Variants in MON2 observed in about 807,000 individuals in gnomAD.
MON2 encodes protein MON2 homolog.
MON2 carries 84 observed loss-of-function variants against 208.6 expected under a neutral mutation model. That is an observed-to-expected ratio of 0.40 (90% CI 0.34 to 0.48). The LOEUF is 0.48. Among genes scored for constraint, MON2 ranks in the 20% least tolerant of loss-of-function variants. The probability of loss-of-function intolerance (pLI) is 0.59; values close to 1 mark genes in which losing one functional copy is unlikely to be tolerated. For synonymous variants in MON2, 660 were observed against 694.0 expected (o/e 0.95, Z 0.77); for missense variants, 1,611 against 2,015.4 (o/e 0.80, Z 3.84).
chr12:62,570,764 C>T (rs1218741770), intron 29 of MON2, among the ~76,000 whole-genome samples: 1 of 109,510 alleles, frequency 9.1e-6, no homozygotes, highest in Non-Finnish European at 1.7e-5. Context: ...GACAGAGTCT[C>T]ACTCTGTTGC....
At chr12:62,516,901 A>G (rs1159607441) in intron 8 of MON2, among the ~76,000 whole-genome samples, 12 of 152,330 alleles carry the variant, frequency 7.9e-5, no homozygotes, top group Middle Eastern at 3.4e-3. Flanking sequence ...AATATTTTTA[A>G]GTAAACAAAA....
rs377367613 is a variant in MON2, at chr12:62,513,636, T to C, written c.984+5156T>C. 2.6e-5 allele frequency among the ~76,000 whole-genome samples: 4 copies of C among 152,120 alleles called. No homozygotes were observed. In the East Asian group the frequency reaches 7.7e-4, roughly 29 times the overall value. On this transcript the variant is annotated intron_variant, in intron 8 of 34. Transcript: ENST00000393630. ...AAGAGCACCCAAGTCACCTCTTGAATGCTTTGCTGCTTAGAAATGACTTCT... is the reference window on the plus strand; with the variant it reads ...AAGAGCACCCAAGTCACCTCTTGAACGCTTTGCTGCTTAGAAATGACTTCT...
intron 1 of MON2, among the ~76,000 whole-genome samples, chr12:62,481,252 CG>C (rs1467541672): frequency 2.6e-5 from 4 of 152,046 alleles, no homozygotes; most frequent in Non-Finnish European, 5.9e-5. Context: ...CTCGGCCAGG[CG>C]TGGTGGCTCA....
At chr12:62,513,143 C>G (rs1389791348) in intron 8 of MON2, among the ~76,000 whole-genome samples, 2 of 152,208 alleles carry the variant, frequency 1.3e-5, no homozygotes, top group East Asian at 1.9e-4. Context: ...TCCCCATTGT[C>G]TTGGTGATTA....
chr12:62,529,674 A>AC (rs1050494442), intron 11 of MON2, among the ~76,000 whole-genome samples: 3 of 152,216 alleles, frequency 2.0e-5, no homozygotes, highest in East Asian at 1.9e-4. Flanking sequence ...AGTTTTCATC[A>AC]CCCCTAAAAG....
intron 8 of MON2, among the ~76,000 whole-genome samples, chr12:62,520,429 C>A (rs11174526): frequency 0.018 from 1,523 of 82,988 alleles, 17 homozygotes; most frequent in East Asian, 0.094. Context: ...AAGTGACAGG[C>A]GTACTTTATT....
chr12:62,585,635 C>A, intron 33 of MON2, 134 bp downstream of exon 33: 1 of 679,030 alleles, frequency 1.5e-6, no homozygotes, highest in Non-Finnish European at 2.4e-6. Context: ...TTATTTATCC[C>A]ATATGGTGTA....
At position 62,552,752 on chromosome 12, in the gene MON2, T is replaced by G. The variant is rs181826148; in HGVS notation, c.2917-129T>G. The G allele has an allele frequency of 8.5e-4, 565 of 663,138 alleles. 3 individuals are homozygous for G. The African/African-American group carries it at 9.0e-3, about 11-fold the overall frequency. 41.1% of individuals were successfully genotyped at this position (663,138 alleles called of 1,614,324 possible). On this transcript the variant is annotated intron_variant, in intron 23 of 34. Transcript: ENST00000393630. The stretch of plus-strand genomic sequence containing the variant: ...GATGTTTTCATTGAATCTATTCTAC[T>G]AGGAAAGAGATTTTTGAAGTAATGT...
chr12:62,494,517 C>T (rs1287365199), intron 3 of MON2, among the ~76,000 whole-genome samples: 3 of 152,068 alleles, frequency 2.0e-5, no homozygotes, highest in Non-Finnish European at 4.4e-5. Context: ...ATTTTGTACT[C>T]CATAAGTACT....
rs1565693517 is a variant in MON2, at chr12:62,566,442, A to G, written c.4315A>G (p.Ile1439Val). 6.2e-7 allele frequency: 1 copy of G among 1,610,934 alleles called. No homozygotes were observed. The highest frequency in any genetic ancestry group is 2.2e-5 in the East Asian group (1 of 44,768). The stretch of plus-strand genomic sequence containing the variant: ...GGTGAATGAGAAAGTGCTCCAGAAT[A>G]TTATTAAGGTATCTTTTTTTCATTT... Reference protein sequence around the residue: ...AVVNEKVLQNIIKTLRVPLSL... With the variant: ...AVVNEKVLQNVIKTLRVPLSL... Residue 1439 changes from isoleucine to valine, a missense_variant, in exon 29 of 35, where the codon ATT (isoleucine) becomes GTT (valine). Ile to Val is a conservative substitution (Grantham distance 29, BLOSUM62 3). Coordinates refer to ENST00000393630, the MANE Select transcript of MON2 (RefSeq NM_015026.3).
intron 1 of MON2, among the ~76,000 whole-genome samples, chr12:62,474,960 TA>T (rs1443115959): frequency 6.6e-6 from 1 of 152,204 alleles, no homozygotes; most frequent in Non-Finnish European, 1.5e-5. Flanking sequence ...ATTCTATTAG[TA>T]ACATTATGCC....
chr12:62,523,183 G>A (rs1378603358), intron 8 of MON2, among the ~76,000 whole-genome samples: 1 of 152,060 alleles, frequency 6.6e-6, no homozygotes, highest in Non-Finnish European at 1.5e-5. Context: ...CACTAGCATG[G>A]GTCTTTCTTT....
At chr12:62,533,059 T>A (rs2072732445) in intron 12 of MON2, among the ~76,000 whole-genome samples, 2 of 152,234 alleles carry the variant, frequency 1.3e-5, no homozygotes, top group South Asian at 4.1e-4. Context: ...AGTTGCCATG[T>A]CTCAACTTGG....
At chr12:62,523,500 C>T (rs1210346220) in intron 8 of MON2, among the ~76,000 whole-genome samples, 1 of 152,118 alleles carries the variant, frequency 6.6e-6, no homozygotes, top group Non-Finnish European at 1.5e-5. Context: ...CATTAGCAGT[C>T]TAAATGATAA....
intron 2 of MON2, among the ~76,000 whole-genome samples, chr12:62,491,625 G>C (rs1034518898): frequency 6.6e-6 from 1 of 152,130 alleles, no homozygotes; most frequent in African/African-American, 2.4e-5. Flanking sequence ...ATTGTAGGAA[G>C]AATAGTGAAC....
In MON2 at chr12:62,467,303, C is replaced by T. The variant is rs199872329; in HGVS notation, c.96C>T (p.Phe32=). The T allele has an allele frequency of 1.2e-4, 198 of 1,613,886 alleles. 1 individual carries two copies. The East Asian group carries it at 4.4e-3, about 36-fold the overall frequency. ...RALSLECKKK[F]PPVKEAAESG... ...TGTCACTGGAGTGCAAGAAGAAATT[C>T]CCACCTGTCAAAGAGGTAAGCTTCA... is the stretch of plus-strand genomic sequence containing the variant. The change falls in exon 1 of 35, where the codon TTC becomes TTT. Residue 32 remains phenylalanine, a synonymous_variant. Coordinates refer to ENST00000393630, the MANE Select transcript of MON2 (RefSeq NM_015026.3).
At chr12:62,476,715 G>T (rs1349716431) in intron 1 of MON2, among the ~76,000 whole-genome samples, 1 of 152,136 alleles carries the variant, frequency 6.6e-6, no homozygotes, top group African/African-American at 2.4e-5. Context: ...GGGATTACAG[G>T]CATGAGCCAC....
chr12:62,551,314 G>A (rs2073732112), intron 23 of MON2, among the ~76,000 whole-genome samples: 1 of 151,958 alleles, frequency 6.6e-6, no homozygotes, highest in Non-Finnish European at 1.5e-5. Context: ...GTTATTAATT[G>A]GCCTAATTTC....
In MON2 at chr12:62,489,080, A is replaced by G. The variant is rs1258795604; in HGVS notation, c.176-4835A>G. Among the ~76,000 whole-genome samples the G allele has an allele frequency of 2.6e-5, 4 of 152,144 alleles. No individual in the cohort carries two copies. The East Asian group carries it at 7.7e-4, about 29-fold the overall frequency. ...TGGATTGTAGTTTAACAATTTCCTT[A>G]TGTTAGGCATGTTTCAGTATTTAGA... On this transcript the variant is annotated intron_variant, in intron 2 of 34. Transcript: ENST00000393630.
Sources: allele counts gnomAD v4.1 joint callset (sites outside exome capture counted in the v4.1 genomes callset), GRCh38; gene constraint gnomAD v4.1.1; transcripts MANE v1.5; gene names NCBI Gene and HGNC (gene_info 2026-07-23, HGNC 2026-07-21).